Variants in NEK11 observed in about 807,000 individuals in gnomAD.
The protein encoded by NEK11 is NIMA related kinase 11.
Under a neutral mutation model 80.7 loss-of-function variants are expected in NEK11, and 72 were observed. The ratio of observed to expected loss-of-function variants is 0.89; its 90% CI spans 0.74 to 1.08. NEK11 has a LOEUF of 1.08. Among genes scored for constraint, NEK11 ranks in the 50% least tolerant of loss-of-function variants. NEK11 has a pLI of 0.00. For synonymous variants in NEK11, 251 were observed against 260.7 expected, an observed-to-expected ratio of 0.96 and a Z score of 0.36; for missense variants, 764 against 763.6, an observed-to-expected ratio of 1.00 and a Z score of -0.01.
In NEK11 at chr3:131,080,527, T is replaced by G. The variant is rs2075094769; in HGVS notation, c.275T>G (p.Val92Gly). 6.2e-7 allele frequency: 1 copy of G among 1,614,014 alleles called. No individual in the cohort carries two copies. The highest frequency in any genetic ancestry group is 1.7e-5 in the Admixed American group (1 of 59,996). The change falls in exon 4 of 18, where the codon GTC (valine) becomes GGC (glycine). Residue 92 changes from valine to glycine, a missense_variant. By Grantham distance (109) the Val-to-Gly change is moderately radical. Coordinates refer to ENST00000383366, the MANE Select transcript of NEK11 (RefSeq NM_024800.5). ...TCCAAGCTGGACCACCCAGCCATTGTCAAGTTCCATGCAAGTTTTGTGGAG... is the reference window on the plus strand; with the variant it reads ...TCCAAGCTGGACCACCCAGCCATTGGCAAGTTCCATGCAAGTTTTGTGGAG... ...LLSKLDHPAI[V>G]KFHASFVEQD... is the part of the protein sequence containing the mutation.
intron 3 of NEK11, among the ~76,000 whole-genome samples, chr3:131,057,644 G>A (rs866734580): frequency 1.1e-4 from 16 of 152,156 alleles, no homozygotes; most frequent in Middle Eastern, 6.8e-3. Context: ...GCCAGTGATG[G>A]TGAGCATTTT....
At chr3:131,157,713 G>C (rs1385238788) in intron 10 of NEK11, among the ~76,000 whole-genome samples, 2 of 152,166 alleles carry the variant, frequency 1.3e-5, no homozygotes, top group African/African-American at 4.8e-5. Flanking sequence ...GCTGAAGGGG[G>C]AGGAAGGTGG....
At chr3:131,116,634 C>T (rs2081283765) in intron 5 of NEK11, among the ~76,000 whole-genome samples, 1 of 152,172 alleles carries the variant, frequency 6.6e-6, no homozygotes, top group South Asian at 2.1e-4. Context: ...CTCTCCAGCA[C>T]CTGTTGTTTC....
intron 3 of NEK11, among the ~76,000 whole-genome samples, chr3:131,069,916 A>C (rs1473925976): frequency 6.6e-6 from 1 of 151,952 alleles, no homozygotes; most frequent in African/African-American, 2.4e-5. Context: ...AGCACGGCAC[A>C]TGTATACATA....
At chr3:131,165,236 C>A (rs182331175) in intron 11 of NEK11, 190 bp from the exon 12 acceptor site, 272 of 543,646 alleles carry the variant, frequency 5.0e-4, no homozygotes, top group Non-Finnish European at 6.6e-4. Flanking sequence ...ACCAGAGTAT[C>A]TTGTGTGTGC....
chr3:131,287,775 G>C (rs2096491190), intron 17 of NEK11, among the ~76,000 whole-genome samples: 7 of 152,136 alleles, frequency 4.6e-5, no homozygotes, highest in Admixed American at 3.9e-4. Context: ...AGAGCATTCT[G>C]ATTTGTGCTT....
chr3:131,281,021 G>A (rs150711943), intron 17 of NEK11, among the ~76,000 whole-genome samples: 95 of 152,260 alleles, frequency 6.2e-4, no homozygotes, highest in African/African-American at 2.2e-3. Flanking sequence ...TCATCCTCTC[G>A]TGTCCTTCCC....
At chr3:131,094,515 C>A (rs1320154974) in intron 4 of NEK11, among the ~76,000 whole-genome samples, 1 of 152,118 alleles carries the variant, frequency 6.6e-6, no homozygotes, top group Non-Finnish European at 1.5e-5. Context: ...GTTAGCTTTG[C>A]CTAATACCAT....
chr3:131,079,220 A>G (rs988469192), intron 3 of NEK11, among the ~76,000 whole-genome samples: 1 of 152,220 alleles, frequency 6.6e-6, no homozygotes, highest in African/African-American at 2.4e-5. Flanking sequence ...TGGTAAGCAT[A>G]CATCTCAACT....
intron 17 of NEK11, among the ~76,000 whole-genome samples, chr3:131,342,805 CAT>C (rs2097306144): frequency 6.6e-6 from 1 of 152,022 alleles, no homozygotes; most frequent in South Asian, 2.1e-4. Context: ...AAACCGAAGA[CAT>C]AGAAAATTTA....
intron 14 of NEK11, among the ~76,000 whole-genome samples, chr3:131,200,420 A>T (rs1426078230): frequency 6.6e-6 from 1 of 152,206 alleles, no homozygotes; most frequent in Non-Finnish European, 1.5e-5. Flanking sequence ...TTTGGAAAAT[A>T]GCTCTTGGCA....
At chr3:131,260,961 C>T (rs1235376977) in intron 16 of NEK11, among the ~76,000 whole-genome samples, 1 of 152,170 alleles carries the variant, frequency 6.6e-6, no homozygotes, top group Non-Finnish European at 1.5e-5. Flanking sequence ...TGCATCAGCT[C>T]TTTATTACCC....
chr3:131,252,660 G>A (rs776749353), intron 16 of NEK11, among the ~76,000 whole-genome samples: 21 of 152,102 alleles, frequency 1.4e-4, no homozygotes, highest in Admixed American at 4.6e-4. Context: ...AAAGCCTTGA[G>A]ATCAGTGATT....
At position 131,126,284 on chromosome 3, in the gene NEK11, T is replaced by C. The variant is rs2083316815; in HGVS notation, c.456-6461T>C. Among the ~76,000 whole-genome samples the C allele has an allele frequency of 2.0e-5, 3 of 152,226 alleles. No individual in the cohort carries two copies. In the South Asian group the frequency reaches 6.2e-4, roughly 31 times the overall value. ...TTTATCAATCTCTTGGTTCACCACT[T>C]CTTCTTCCACCCCATGTCTTCCTTC... On this transcript the variant is annotated intron_variant, in intron 5 of 17. Coordinates refer to ENST00000383366, the MANE Select transcript of NEK11 (RefSeq NM_024800.5).
intron 14 of NEK11, among the ~76,000 whole-genome samples, chr3:131,190,315 C>T (rs745809874): frequency 5.0e-4 from 76 of 152,010 alleles, no homozygotes; most frequent in Non-Finnish European, 9.3e-4. Context: ...CAACTGGGGG[C>T]GATGGAAAAT....
chr3:131,170,174 CA>C (rs1342233449), intron 13 of NEK11, among the ~76,000 whole-genome samples: 6 of 152,124 alleles, frequency 3.9e-5, no homozygotes, highest in Non-Finnish European at 8.8e-5. Context: ...GGTTCAAACA[CA>C]AATACACACA....
chr3:131,253,787 A>G (rs866834168), intron 16 of NEK11, among the ~76,000 whole-genome samples: 1 of 152,168 alleles, frequency 6.6e-6, no homozygotes, highest in Non-Finnish European at 1.5e-5. Flanking sequence ...ATTAACTTCA[A>G]TGAAACCATA....
chr3:131,227,228 A>G (rs544816512), intron 14 of NEK11, among the ~76,000 whole-genome samples: 18 of 152,288 alleles, frequency 1.2e-4, no homozygotes, highest in African/African-American at 3.8e-4. Flanking sequence ...GAAACCATAG[A>G]TAACAAACAC....
chr3:131,057,401 C>T (rs1286126508), intron 3 of NEK11, among the ~76,000 whole-genome samples: 1 of 151,928 alleles, frequency 6.6e-6, no homozygotes, highest in African/African-American at 2.4e-5. Context: ...GGGTATATAC[C>T]CAGTAATGGG....
Sources: allele counts gnomAD v4.1 joint callset (sites outside exome capture counted in the v4.1 genomes callset), GRCh38; gene constraint gnomAD v4.1.1; transcripts MANE v1.5; gene names NCBI Gene and HGNC (gene_info 2026-07-23, HGNC 2026-07-21).